Variants in LANCL2 observed in about 807,000 individuals in gnomAD.
The protein encoded by LANCL2 is lanC-like protein 2.
In LANCL2, 33 loss-of-function variants were observed where a neutral mutation model predicts 56.9. The ratio of observed to expected loss-of-function variants is 0.58; its 90% CI spans 0.44 to 0.78. The LOEUF is 0.78. Ranked by LOEUF, LANCL2 falls within the 30% of genes least tolerant of loss-of-function variation. The probability of loss-of-function intolerance (pLI) is 0.00; values close to 1 mark genes in which losing one functional copy is unlikely to be tolerated. For synonymous variants in LANCL2, 233 were observed against 228.2 expected, an observed-to-expected ratio of 1.02 and a Z score of -0.19; for missense variants, 562 against 580.2, an observed-to-expected ratio of 0.97 and a Z score of 0.32.
intron 1 of LANCL2, among the ~76,000 whole-genome samples, chr7:55,390,654 G>A (rs905986371): frequency 2.0e-5 from 3 of 151,898 alleles, no homozygotes; most frequent in African/African-American, 7.3e-5. Flanking sequence ...GGTGGCAAGC[G>A]CCTGTAGTCC....
At chr7:55,412,384 G>C (rs1336528262) in intron 6 of LANCL2, among the ~76,000 whole-genome samples, 3 of 152,160 alleles carry the variant, frequency 2.0e-5, no homozygotes, top group African/African-American at 7.2e-5. Flanking sequence ...AATGAGTATG[G>C]ATATCCAGTA....
intron 1 of LANCL2, among the ~76,000 whole-genome samples, chr7:55,390,788 A>G (rs1326011363): frequency 6.6e-6 from 1 of 152,028 alleles, no homozygotes; most frequent in Non-Finnish European, 1.5e-5. Context: ...CAAAAAAAAA[A>G]AATCAGCAAA....
chr7:55,392,121 C>T (rs1407475116), intron 2 of LANCL2, among the ~76,000 whole-genome samples: 1 of 152,058 alleles, frequency 6.6e-6, no homozygotes, highest in South Asian at 2.1e-4. Flanking sequence ...GGTGAAACCC[C>T]GTTTCTACTA....
Position 55,400,096 on chromosome 7 carries a change from A to G in LANCL2, c.670A>G (p.Ile224Val), listed in dbSNP as rs1305645271. 6.2e-6 allele frequency: 10 copies of G among 1,606,100 alleles called. No individual in the cohort carries two copies. The highest frequency in any genetic ancestry group is 1.7e-5 in the Admixed American group (1 of 59,884). The part of the protein sequence containing the change: ...IGPGTVCESA[I>V]KEVVNAIIES... ...TCCAGGCACCGTGTGTGAGTCAGCT[A>G]TTAAAGAGGTACTATGGGGTATGGG... Residue 224 changes from isoleucine (I) to valine (V), a missense_variant, in exon 4 of 9, where the codon ATT (isoleucine) becomes GTT (valine). Coordinates refer to ENST00000254770, the MANE Select transcript of LANCL2 (RefSeq NM_018697.4).
intron 1 of LANCL2, among the ~76,000 whole-genome samples, chr7:55,382,646 T>G (rs913148726): frequency 1.3e-5 from 2 of 152,184 alleles, no homozygotes; most frequent in African/African-American, 4.8e-5. Context: ...TTCTTCTTGC[T>G]GTCTTCTGTT....
intron 5 of LANCL2, among the ~76,000 whole-genome samples, chr7:55,402,432 C>T (rs1583755563): frequency 1.7e-5 from 2 of 114,676 alleles, no homozygotes; most frequent in African/African-American, 3.4e-5. Flanking sequence ...GGGGCTGACC[C>T]CACCACCTCC....
chr7:55,426,425 G>A (rs1790664493), intron 7 of LANCL2, among the ~76,000 whole-genome samples: 1 of 152,228 alleles, frequency 6.6e-6, no homozygotes, highest in Non-Finnish European at 1.5e-5. Context: ...ACTAAAGTGT[G>A]TACAGTGACC....
intron 2 of LANCL2, among the ~76,000 whole-genome samples, chr7:55,394,974 C>G (rs78209465): frequency 6.6e-6 from 1 of 152,150 alleles, no homozygotes; most frequent in African/African-American, 2.4e-5. Flanking sequence ...TGCTGGCCCC[C>G]GCTGACAGTG....
chr7:55,380,883 T>C (rs1790060299), intron 1 of LANCL2, among the ~76,000 whole-genome samples: 1 of 151,428 alleles, frequency 6.6e-6, no homozygotes, highest in Non-Finnish European at 1.5e-5. Context: ...TTTTTTTTTT[T>C]TTTTGAGATG....
Position 55,366,232 on chromosome 7 carries a change from G to A in LANCL2, c.204+3G>A. The A allele has an allele frequency of 1.3e-6, 2 of 1,498,136 alleles. No individual in the cohort carries two copies. The highest frequency in any genetic ancestry group is 1.3e-5 in the South Asian group (1 of 79,448). The allele number at this position is 1,498,136 out of a possible 1,614,324, so 92.8% of individuals were successfully genotyped here. ...TCCCTTTTCATCAGGACGGGAAGGT[G>A]AGTCGGCGGCCTGGCCGCAGAGGCG... On this transcript the variant is annotated splice_donor_region_variant and intron_variant, in intron 1 of 8. Transcript: ENST00000254770.
At chr7:55,389,546 A>G (rs1012590746) in intron 1 of LANCL2, among the ~76,000 whole-genome samples, 1 of 152,202 alleles carries the variant, frequency 6.6e-6, no homozygotes, top group Admixed American at 6.5e-5. Context: ...GCAGGTAAAG[A>G]GGGTGTTCAG....
At chr7:55,411,815 T>C (rs1170885326) in intron 5 of LANCL2, 92 bp from the exon 6 acceptor site, 3 of 1,232,470 alleles carry the variant, frequency 2.4e-6, no homozygotes, top group Non-Finnish European at 3.4e-6. Context: ...TTTTTTGTTT[T>C]CCAGGTAATT....
intron 6 of LANCL2, among the ~76,000 whole-genome samples, chr7:55,416,978 T>G (rs1790547771): frequency 3.8e-5 from 5 of 131,082 alleles, no homozygotes; most frequent in Admixed American, 1.5e-4. Context: ...GGTTTTTTTT[T>G]TTTTTTTTTT....
rs756232190 is a variant in LANCL2 at position 55,432,879 on chromosome 7, T to A, written c.*1559T>A. On this transcript the variant is annotated 3_prime_UTR_variant, in exon 9 of 9. Coordinates refer to ENST00000254770, the MANE Select transcript of LANCL2 (RefSeq NM_018697.4). ...AATAGAAATCATCCTGATCCTATTT[T>A]ACCTGGCCTCCAGGGCCTGTTGATG... 13 of 152,242 alleles carry A rather than the reference T, an allele frequency of 8.5e-5. No homozygotes were observed. The highest frequency in any genetic ancestry group is 1.5e-4 in the Non-Finnish European group (10 of 68,036). 9.4% of individuals were successfully genotyped at this position (152,242 alleles called of 1,614,324 possible).
chr7:55,382,040 C>T (rs1790074845), intron 1 of LANCL2, among the ~76,000 whole-genome samples: 2 of 152,168 alleles, frequency 1.3e-5, no homozygotes, highest in South Asian at 2.1e-4. Context: ...GAGAGCTATT[C>T]TGGCATCTAC....
At chr7:55,375,862 G>T (rs1278923509) in intron 1 of LANCL2, among the ~76,000 whole-genome samples, 2 of 152,292 alleles carry the variant, frequency 1.3e-5, no homozygotes, top group East Asian at 3.9e-4. Flanking sequence ...GCTGGCCTTA[G>T]CTCCTCAATG....
intron 5 of LANCL2, among the ~76,000 whole-genome samples, chr7:55,409,429 T>G (rs1315804909): frequency 2.0e-5 from 3 of 152,192 alleles, no homozygotes; most frequent in Admixed American, 6.5e-5. Flanking sequence ...TAACGTTGCA[T>G]TCTGCCCAGA....
chr7:55,427,873 G>A (rs550807014), intron 7 of LANCL2, among the ~76,000 whole-genome samples: 3 of 152,292 alleles, frequency 2.0e-5, no homozygotes, highest in African/African-American at 7.2e-5. Flanking sequence ...GCTGAGGGCC[G>A]GGGGCTGGGA....
intron 5 of LANCL2, among the ~76,000 whole-genome samples, chr7:55,409,496 A>G (rs1238305478): frequency 6.6e-6 from 1 of 152,190 alleles, no homozygotes; most frequent in Non-Finnish European, 1.5e-5. Flanking sequence ...CCTGTCCCCC[A>G]AATTTAATTT....
Sources: allele counts gnomAD v4.1 joint callset (sites outside exome capture counted in the v4.1 genomes callset), GRCh38; gene constraint gnomAD v4.1.1; transcripts MANE v1.5; gene names NCBI Gene and HGNC (gene_info 2026-07-23, HGNC 2026-07-21).